The following FBXL17 variants were observed in gnomAD, a reference collection of about 807,000 sequenced individuals.
FBXL17 encodes the protein F-box and leucine rich repeat protein 17, also known as F-box/LRR-repeat protein 17.
FBXL17 carries 22 observed loss-of-function variants against 66.2 expected under a neutral mutation model. That is an observed-to-expected ratio of 0.33 (90% CI 0.24 to 0.47). FBXL17 has a LOEUF of 0.47. Ranked by LOEUF, FBXL17 falls within the 20% of genes least tolerant of loss-of-function variation. The pLI is 1.00. For missense variants in FBXL17, 878 were observed against 948.2 expected, an observed-to-expected ratio of 0.93 and a Z score of 0.97; for synonymous variants, 474 against 400.5, an observed-to-expected ratio of 1.18 and a Z score of -2.19.
intron 3 of FBXL17, among the ~76,000 whole-genome samples, chr5:108,364,471 T>TA (rs985924339): frequency 1.3e-5 from 2 of 152,016 alleles, no homozygotes; most frequent in South Asian, 2.1e-4. Flanking sequence ...CAAAATGTGG[T>TA]AAAAAATTTA....
Position 108,310,870 on chromosome 5 carries a change from C to T in FBXL17, c.1506+37529G>A, listed in dbSNP as rs369490049. On this transcript the variant is annotated intron_variant, in intron 4 of 8. Coordinates refer to ENST00000542267, the MANE Select transcript of FBXL17 (RefSeq NM_001163315.3). The stretch of plus-strand genomic sequence containing the variant: ...ATATGAATTGCCTCCAGCCCAACAC[C>T]GAAAGTCCACAGACAATTTTACTTC... 2.6e-4 allele frequency among the ~76,000 whole-genome samples: 40 copies of T among 152,260 alleles called. No homozygotes were observed. The South Asian group carries it at 7.5e-3, about 28-fold the overall frequency.
At chr5:108,200,177 G>A (rs1206613046) in intron 5 of FBXL17, among the ~76,000 whole-genome samples, 2 of 152,136 alleles carry the variant, frequency 1.3e-5, no homozygotes, top group Non-Finnish European at 2.9e-5. Flanking sequence ...CTGAGTTAGA[G>A]AAGGAGAGAG....
chr5:108,288,169 C>G (rs774491102), intron 4 of FBXL17, among the ~76,000 whole-genome samples: 6 of 151,792 alleles, frequency 4.0e-5, no homozygotes, highest in Non-Finnish European at 7.4e-5. Flanking sequence ...AGGCGCTATG[C>G]TCATTACTTG....
intron 7 of FBXL17, among the ~76,000 whole-genome samples, chr5:107,886,125 C>T (rs1748961297): frequency 2.0e-5 from 3 of 152,224 alleles, no homozygotes; most frequent in Admixed American, 2.0e-4. Context: ...CCAAAAAGAA[C>T]TGTAAGCAAA....
At chr5:108,079,693 T>C (rs1039001438) in intron 6 of FBXL17, among the ~76,000 whole-genome samples, 1 of 152,110 alleles carries the variant, frequency 6.6e-6, no homozygotes, top group African/African-American at 2.4e-5. Context: ...TATAAAAAAA[T>C]TGTATGGTTA....
chr5:108,349,325 C>T (rs930892086), intron 3 of FBXL17, among the ~76,000 whole-genome samples: 6 of 152,024 alleles, frequency 3.9e-5, no homozygotes, highest in African/African-American at 1.4e-4. Context: ...GAAATACATA[C>T]CAAGGTGTTC....
intron 4 of FBXL17, among the ~76,000 whole-genome samples, chr5:108,287,841 A>G (rs1757959774): frequency 1.3e-5 from 2 of 152,108 alleles, no homozygotes; most frequent in South Asian, 2.1e-4. Flanking sequence ...CACTATTCAC[A>G]ATAGCAAAGA....
intron 8 of FBXL17, among the ~76,000 whole-genome samples, chr5:107,876,792 C>T (rs1273465286): frequency 6.6e-6 from 1 of 152,106 alleles, no homozygotes; most frequent in Non-Finnish European, 1.5e-5. Flanking sequence ...TTATAAGAAA[C>T]AGATCTATAG....
At chr5:107,977,474 C>T (rs1044617884) in intron 7 of FBXL17, among the ~76,000 whole-genome samples, 1 of 152,192 alleles carries the variant, frequency 6.6e-6, no homozygotes, top group African/African-American at 2.4e-5. Context: ...GTTAGTCTTG[C>T]TTAAGTTCAC....
intron 6 of FBXL17, among the ~76,000 whole-genome samples, chr5:108,076,600 A>C (rs1748556628): frequency 6.6e-6 from 1 of 152,224 alleles, no homozygotes; most frequent in South Asian, 2.1e-4. Context: ...TTTCTTTGAC[A>C]TATTTTAAAA....
intron 6 of FBXL17, among the ~76,000 whole-genome samples, chr5:108,046,792 A>G (rs570545205): frequency 6.6e-5 from 10 of 152,306 alleles, no homozygotes; most frequent in Admixed American, 5.2e-4. Context: ...CAGCATTATA[A>G]TTTTTGCTTC....
At chr5:108,043,800 G>A (rs1580364929) in intron 6 of FBXL17, among the ~76,000 whole-genome samples, 1 of 152,028 alleles carries the variant, frequency 6.6e-6, no homozygotes, top group Admixed American at 6.6e-5. Context: ...TATCAATTTG[G>A]GGAGAAATTA....
intron 7 of FBXL17, among the ~76,000 whole-genome samples, chr5:107,980,665 T>TATGTATATATATATATATATATATATATA (rs1363335386): frequency 1.3e-5 from 1 of 79,180 alleles, no homozygotes; most frequent in African/African-American, 9.0e-5. Flanking sequence ...TATATATATA[T>TATGTATATATATATATATATATATATATA]TTTTTTTTTG....
chr5:107,870,464 G>T (rs1201843011), intron 8 of FBXL17, among the ~76,000 whole-genome samples: 2 of 152,062 alleles, frequency 1.3e-5, no homozygotes, highest in African/African-American at 4.8e-5. Flanking sequence ...GCTTCCATCT[G>T]ATCTTCCCAA....
chr5:108,368,377 G>C (rs997690571), intron 1 of FBXL17, among the ~76,000 whole-genome samples: 4 of 151,902 alleles, frequency 2.6e-5, no homozygotes, highest in Non-Finnish European at 5.9e-5. Flanking sequence ...GGAGCCACGT[G>C]AACTTTTCAT....
chr5:108,291,013 CATCTAAA>C (rs1215372174), intron 4 of FBXL17, among the ~76,000 whole-genome samples: 2 of 152,120 alleles, frequency 1.3e-5, no homozygotes, highest in African/African-American at 4.8e-5. Flanking sequence ...TATGCAACGC[CATCTAAA>C]ATAATTAAAG....
At chr5:108,300,194 C>A (rs928415518) in intron 4 of FBXL17, among the ~76,000 whole-genome samples, 1 of 151,780 alleles carries the variant, frequency 6.6e-6, no homozygotes, top group East Asian at 1.9e-4. Flanking sequence ...AAAAGTTTTA[C>A]TCATTGATAC....
At chr5:108,107,228 C>T (rs1032602972) in intron 6 of FBXL17, among the ~76,000 whole-genome samples, 30 of 152,072 alleles carry the variant, frequency 2.0e-4, no homozygotes, top group Admixed American at 3.9e-4. Context: ...TGTGCCACCA[C>T]GCCTGGCTAA....
At chr5:107,951,616 C>G (rs1013217152) in intron 7 of FBXL17, among the ~76,000 whole-genome samples, 1 of 152,204 alleles carries the variant, frequency 6.6e-6, no homozygotes, top group South Asian at 2.1e-4. Flanking sequence ...GCCAAGAAAT[C>G]AAGGGCAGTA....
Sources: gnomAD v4.1 joint callset for allele counts (sites outside exome capture counted in the v4.1 genomes callset) on GRCh38, gnomAD v4.1.1 for gene constraint, MANE v1.5 for transcripts, NCBI Gene and HGNC (gene_info 2026-07-23, HGNC 2026-07-21) for gene names.